SPEG: variants seen among roughly 807,000 people sequenced by gnomAD.
SPEG encodes striated muscle preferentially expressed protein kinase.
A neutral mutation model predicts 300.4 loss-of-function variants in SPEG; 114 were observed. That is an observed-to-expected ratio of 0.38 (90% CI 0.33 to 0.44). The LOEUF is 0.44. SPEG is among the 20% of genes least tolerant of loss of function. The pLI, the probability that SPEG is intolerant of heterozygous loss-of-function variation, is 1.00. For synonymous variants in SPEG, 1,964 were observed against 2,018.9 expected, an observed-to-expected ratio of 0.97 and a Z score of 0.73; for missense variants, 4,201 against 4,586.2, an observed-to-expected ratio of 0.92 and a Z score of 2.43.
chr2:219,451,590 G>T lies in SPEG; in HGVS notation c.2258-35G>T. On this transcript the variant is annotated intron_variant, in intron 5 of 40. Transcript: ENST00000312358. This position sits in a 1 kb window ranked among gnomAD's most constrained non-coding sequence, Gnocchi z 6.4. ...AGAGATTCTCAGTGGGCGCCTGTGGGCCGTGGCGAGCCGGGTCCCTGTGCC... is the reference window on the plus strand; with the variant it reads ...AGAGATTCTCAGTGGGCGCCTGTGGTCCGTGGCGAGCCGGGTCCCTGTGCC... 3 of 1,479,080 alleles carry T rather than the reference G, an allele frequency of 2.0e-6. No individual in the cohort carries two copies. The highest frequency in any genetic ancestry group is 2.7e-6 in the Non-Finnish European group (3 of 1,114,810). The allele number at this position is 1,479,080 out of a possible 1,614,324, so 91.6% of individuals were successfully genotyped here.
rs199580811 is a variant in SPEG at position 219,492,179 on chromosome 2, G to A, written c.9530G>A (p.Arg3177His). ...QETEARIVGG[R>H]FDAFQLYPNT... ...ACGGAGGCTCGGATTGTGGGGGGCC[G>A]CTTTGATGCCTTCCAGCTGTACCCC... Residue 3177 changes from arginine (R) to histidine (H), a missense_variant, in exon 40 of 41, where the codon CGC becomes CAC. Physicochemically the swap from Arg to His is conservative, Grantham distance 29. Coordinates refer to ENST00000312358, the MANE Select transcript of SPEG (RefSeq NM_005876.5). 62 of 1,613,694 alleles carry A rather than the reference G, an allele frequency of 3.8e-5. No homozygotes were observed. In the African/African-American group the frequency reaches 5.1e-4, roughly 13 times the overall value.
rs1220907574 is a variant in SPEG, at chr2:219,489,496, ACCT to A, written c.8482_8484del (p.Pro2828del). The A allele has an allele frequency of 1.4e-6, 2 of 1,470,372 alleles. No individual in the cohort carries two copies. Among genetic ancestry groups the A allele is most frequent in the Non-Finnish European group, 1.8e-6 (2 of 1,107,618 alleles). 91.1% of individuals were successfully genotyped at this position (1,470,372 alleles called of 1,614,324 possible). A position where few individuals can be genotyped will look rare whatever the true frequency, so the allele number is the denominator to read the frequency against. On this transcript the variant is annotated inframe_deletion, in exon 36 of 41. Transcript: ENST00000312358. ...CTGTCAGCCCCTCATCTCCCCCCACACCTCCTAGCCAGGCCTTGTCCTCGCTCA... is the reference window on the plus strand; with the variant it reads ...CTGTCAGCCCCTCATCTCCCCCCACACCTAGCCAGGCCTTGTCCTCGCTCA...
rs757897327 is a variant in SPEG, at chr2:219,480,654, C to A, written c.5343-17C>A. The A allele has an allele frequency of 6.2e-7, 1 of 1,613,732 alleles. No individual in the cohort carries two copies. On this transcript the variant is annotated splice_polypyrimidine_tract_variant and intron_variant, in intron 25 of 40. Transcript: ENST00000312358. The surrounding 1 kb of genome is among the most constrained non-coding windows in gnomAD (Gnocchi z 5.3). ...AGAGGGGCGGTCCTCTTACCTATCA[C>A]TCTCCTTTTCCCACAGGCCTGTGGG...
intron 9 of SPEG, chr2:219,466,032 G>A: frequency 1.9e-6 from 3 of 1,601,504 alleles, no homozygotes; most frequent in Non-Finnish European, 1.7e-6. Context: ...GCCGCTTGCT[G>A]ACTGAGGTTT....
chr2:219,492,650 T>G lies in SPEG; in HGVS notation c.9668T>G (p.Leu3223Arg), dbSNP rs1472022694. Reference sequence around the variant, plus strand: ...CACCCATGGTTGCAGGACGCCTACCTGATGAAGCTGCGCCGCCAGACGCTC... The same window carrying G: ...CACCCATGGTTGCAGGACGCCTACCGGATGAAGCTGCGCCGCCAGACGCTC... The part of the protein sequence containing the change: ...LAHPWLQDAY[L>R]MKLRRQTLTF... The change falls in exon 41 of 41, where the codon CTG becomes CGG. Residue 3223 changes from leucine (L) to arginine (R), a missense_variant. Around this residue, in one of 4 missense-constraint regions of SPEG, gnomAD observed 318 missense variants for 429.5 expected, o/e 0.74. Coordinates refer to ENST00000312358, the MANE Select transcript of SPEG (RefSeq NM_005876.5). The G allele has an allele frequency of 6.2e-7, 1 of 1,611,186 alleles. No individual in the cohort carries two copies. The highest frequency in any genetic ancestry group is 8.5e-7 in the Non-Finnish European group (1 of 1,179,994).
Position 219,477,763 on chromosome 2 carries a change from G to C in SPEG, c.4804G>C (p.Asp1602His), listed in dbSNP as rs1240324293. 6.2e-7 allele frequency: 1 copy of C among 1,609,666 alleles called. No individual in the cohort carries two copies. Residue 1602 changes from aspartate to histidine, a missense_variant, in exon 21 of 41, where the codon GAC becomes CAC. Asp to His is a moderately conservative substitution (Grantham distance 81). Transcript: ENST00000312358. This position sits in a 1 kb window ranked among gnomAD's most constrained non-coding sequence, Gnocchi z 6.4. ...HRGRRLSDFY[D>H]IHQEIGRGAF... is the part of the protein sequence containing the mutation. ...AGGAAGGAGACTCAGCGACTTTTAT[G>C]ACATCCACCAGGAGATCGGCAGGTG...
At chr2:219,463,044 C>T (rs1690877459) in intron 8 of SPEG, among the ~76,000 whole-genome samples, 1 of 152,112 alleles carries the variant, frequency 6.6e-6, no homozygotes. Context: ...TCTGTCTCTA[C>T]AAAAACTTTT....
Position 219,488,326 on chromosome 2 carries a change from C to A in SPEG, c.7858+16C>A. 1 of 1,588,452 alleles carries A rather than the reference C, an allele frequency of 6.3e-7. No individual in the cohort carries two copies. The highest frequency in any genetic ancestry group is 8.6e-7 in the Non-Finnish European group (1 of 1,162,686). ...TGGATGAAAGGTAAGGAGACTCTGT[C>A]TCCCACAGAGAGGGAGGCCAGCAAG... On this transcript the variant is annotated intron_variant, in intron 32 of 40. Coordinates refer to ENST00000312358, the MANE Select transcript of SPEG (RefSeq NM_005876.5).
In SPEG at chr2:219,448,951, T is replaced by A. The variant is rs1027467475; in HGVS notation, c.1793T>A (p.Leu598Gln). Residue 598 changes from leucine to glutamine, a missense_variant, in exon 4 of 41, where the codon CTG (leucine) becomes CAG (glutamine). Transcript: ENST00000312358. Reference sequence around the variant, plus strand: ...GTTAGGCGTCGGGACCAATTCCCGCTGACCCGGAGCAGAGCCATCCAGGAG... The same window carrying A: ...GTTAGGCGTCGGGACCAATTCCCGCAGACCCGGAGCAGAGCCATCCAGGAG... Reference protein sequence around the residue: ...QEVRRRDQFPLTRSRAIQECR... With the variant: ...QEVRRRDQFPQTRSRAIQECR... The A allele has an allele frequency of 6.6e-7, 1 of 1,506,894 alleles. No individual in the cohort carries two copies. 93.3% of individuals were successfully genotyped at this position (1,506,894 alleles called of 1,614,324 possible). A position where few individuals can be genotyped will look rare whatever the true frequency, so the allele number is the denominator to read the frequency against.
intron 3 of SPEG, among the ~76,000 whole-genome samples, chr2:219,446,820 G>A (rs1334766037): frequency 6.6e-6 from 1 of 152,168 alleles, no homozygotes; most frequent in East Asian, 1.9e-4. Flanking sequence ...GGTGATCACA[G>A]TTCTTACCTC....
At chr2:219,486,774 G>A (rs961079316) in intron 31 of SPEG, among the ~76,000 whole-genome samples, 5 of 152,012 alleles carry the variant, frequency 3.3e-5, no homozygotes, top group Admixed American at 1.3e-4. Context: ...GGCTGGGCCC[G>A]GGTCACTTTC....
chr2:219,488,410 G>C (rs1261649262), intron 32 of SPEG, 88 bp from the exon 33 acceptor site: 2 of 1,492,004 alleles, frequency 1.3e-6, no homozygotes, highest in Non-Finnish European at 1.8e-6. Flanking sequence ...AGCACGGTTA[G>C]GGGGGATGCT....
In SPEG at chr2:219,460,754, C is replaced by T. The variant is rs1468713264; in HGVS notation, c.2441-1128C>T. On this transcript the variant is annotated intron_variant, in intron 6 of 40. Transcript: ENST00000312358. The stretch of plus-strand genomic sequence containing the variant: ...ACCACCTTCCTAGCCAGCTGCCTGC[C>T]GGCCTGCCATCCAACCTCCTCCTTC... The T allele has an allele frequency of 3.7e-5, 36 of 985,748 alleles. No homozygotes were observed. In the East Asian group the frequency reaches 1.4e-3, roughly 37 times the overall value. The allele number at this position is 985,748 out of a possible 1,614,324, so 61.1% of individuals were successfully genotyped here.
In SPEG at chr2:219,483,102, C is replaced by T. The variant is rs1397028554; in HGVS notation, c.5639C>T (p.Ser1880Phe). ...LFLSRRRWQR[S>F]QISYKCHLVL... The stretch of plus-strand genomic sequence containing the variant: ...ACTCCAGTACCCTGTCTCCAGCGCT[C>T]CCAGATCAGCTACAAATGCCACCTG... The change falls in exon 30 of 41, where the codon TCC becomes TTC. Residue 1880 changes from serine to phenylalanine, a missense_variant. Coordinates refer to ENST00000312358, the MANE Select transcript of SPEG (RefSeq NM_005876.5). The T allele has an allele frequency of 6.2e-7, 1 of 1,605,976 alleles. No individual in the cohort carries two copies. Among genetic ancestry groups the T allele is most frequent in the Non-Finnish European group, 8.5e-7 (1 of 1,178,818 alleles).
At chr2:219,446,338 A>C (rs1016639220) in intron 3 of SPEG, among the ~76,000 whole-genome samples, 3 of 152,152 alleles carry the variant, frequency 2.0e-5, no homozygotes, top group Non-Finnish European at 2.9e-5. Context: ...TCTATGGTAC[A>C]GAGACTGGCC....
At chr2:219,476,045 C>T (rs1559407040) in intron 18 of SPEG, among the ~76,000 whole-genome samples, 1 of 136,142 alleles carries the variant, frequency 7.3e-6, no homozygotes, top group African/African-American at 2.6e-5. Context: ...TGGGGGCTGG[C>T]GGGGGACACC....
At position 219,448,346 on chromosome 2, in the gene SPEG, C is replaced by G; in HGVS notation, c.1188C>G (p.Ala396=). The G allele has an allele frequency of 6.3e-7, 1 of 1,590,462 alleles. No individual in the cohort carries two copies. The highest frequency in any genetic ancestry group is 8.5e-7 in the Non-Finnish European group (1 of 1,170,134). The change falls in exon 4 of 41, where the codon GCC becomes GCG. Residue 396 remains alanine (A), a synonymous_variant. Transcript: ENST00000312358. ...GCCGATCGCCTAGGCTGGTGCGCGCCGGCTCCCGCATCCTGGACAAGCTGC... is the reference window on the plus strand; with the variant it reads ...GCCGATCGCCTAGGCTGGTGCGCGCGGGCTCCCGCATCCTGGACAAGCTGC... ...ALGRSPRLVR[A]GSRILDKLQF...
Position 219,435,034 on chromosome 2 carries a change from C to A in SPEG, c.57C>A (p.Ser19Arg), listed in dbSNP as rs926782940. 1.3e-6 allele frequency: 2 copies of A among 1,495,582 alleles called. No homozygotes were observed. Among genetic ancestry groups the A allele is most frequent in the Admixed American group, 2.2e-5 (1 of 46,210 alleles). The allele number at this position is 1,495,582 out of a possible 1,614,324, so 92.6% of individuals were successfully genotyped here. ...ATGCGGGCACGAGGGCACCCCCCAG[C>A]CCCGGAGTGCCCCCGAAAAGGGCCA... is the stretch of plus-strand genomic sequence containing the variant. Reference protein sequence around the residue: ...GEDAGTRAPPSPGVPPKRAKV... With the variant: ...GEDAGTRAPPRPGVPPKRAKV... Residue 19 changes from serine to arginine, a missense_variant, in exon 1 of 41, where the codon AGC becomes AGA. Physicochemically the swap from Ser to Arg is moderately radical, Grantham distance 110. Around this residue, in one of 4 missense-constraint regions of SPEG, gnomAD observed 1,258 missense variants for 1,293.9 expected, o/e 0.97. Coordinates refer to ENST00000312358, the MANE Select transcript of SPEG (RefSeq NM_005876.5).
In SPEG at chr2:219,473,252, C is replaced by T. The variant is rs1416490134; in HGVS notation, c.4147+156C>T. On this transcript the variant is annotated intron_variant, in intron 16 of 40. Coordinates refer to ENST00000312358, the MANE Select transcript of SPEG (RefSeq NM_005876.5). The surrounding 1 kb of genome is among the most constrained non-coding windows in gnomAD (Gnocchi z 4.6). ...GGCCCATCTGTACACTTCCTTCTCC[C>T]TCCTGAAAGCAGCAGGGCACGGTGG... The T allele has an allele frequency of 1.2e-6, 1 of 805,008 alleles. No individual in the cohort carries two copies. Among genetic ancestry groups the T allele is most frequent in the East Asian group, 2.7e-5 (1 of 37,252 alleles). The allele number at this position is 805,008 out of a possible 1,614,324, so 49.9% of individuals were successfully genotyped here.
Sources: allele counts gnomAD v4.1 joint callset (sites outside exome capture counted in the v4.1 genomes callset), GRCh38; gene constraint gnomAD v4.1.1; regional missense constraint gnomAD v4.1.1; non-coding constraint Gnocchi (gnomAD v3.1); transcripts MANE v1.5; gene names NCBI Gene and HGNC (gene_info 2026-07-23, HGNC 2026-07-21).